The following ANK3 variants were observed in gnomAD, a reference collection of about 807,000 sequenced individuals.
The protein encoded by ANK3 is ankyrin 3.
A neutral mutation model predicts 370.9 loss-of-function variants in ANK3; 57 were observed. The observed-to-expected ratio is 0.15, with a 90% CI of 0.12 to 0.19. The LOEUF (loss-of-function observed/expected upper bound fraction) is 0.19. Ranked by LOEUF, ANK3 falls within the 10% of genes least tolerant of loss-of-function variation. ANK3 has a pLI of 1.00. For synonymous variants in ANK3, 1,929 were observed against 1,946.3 expected, an observed-to-expected ratio of 0.99 and a Z score of 0.23; for missense variants, 4,439 against 5,302.1, an observed-to-expected ratio of 0.84 and a Z score of 5.06.
chr10:60,708,920 C>T (rs1014033790), intron 1 of ANK3, among the ~76,000 whole-genome samples: 4 of 152,206 alleles, frequency 2.6e-5, no homozygotes, highest in Non-Finnish European at 2.9e-5. Context: ...GAGACAAAAA[C>T]GAAGATACTA....
chr10:60,174,424 AG>A (rs1161021912), intron 18 of ANK3, among the ~76,000 whole-genome samples: 2 of 152,182 alleles, frequency 1.3e-5, no homozygotes, highest in African/African-American at 4.8e-5. Context: ...CCTGCTTTGC[AG>A]GGTTCTCCTT....
At chr10:60,064,783 G>C (rs2081315874) in intron 38 of ANK3, among the ~76,000 whole-genome samples, 1 of 152,140 alleles carries the variant, frequency 6.6e-6, no homozygotes, top group South Asian at 2.1e-4. Context: ...GATCACTTGA[G>C]CCCAGGAGGC....
intron 1 of ANK3, among the ~76,000 whole-genome samples, chr10:60,644,855 T>A (rs1447054232): frequency 6.2e-5 from 3 of 48,004 alleles, no homozygotes; most frequent in Admixed American, 2.1e-4. Context: ...AAAAAAAAGC[T>A]GAGATTCAGG....
intron 7 of ANK3, among the ~76,000 whole-genome samples, chr10:60,240,145 C>CAT (rs1409860747): frequency 6.8e-5 from 9 of 132,002 alleles, no homozygotes; most frequent in Middle Eastern, 3.8e-3. Flanking sequence ...TATATATACA[C>CAT]ATATATATAC....
At chr10:60,351,236 A>T (rs1048178197) in intron 1 of ANK3, among the ~76,000 whole-genome samples, 2 of 152,202 alleles carry the variant, frequency 1.3e-5, no homozygotes, top group Non-Finnish European at 2.9e-5. Context: ...TAAATAGAGA[A>T]GATCTATTTA....
chr10:60,060,094 A>C, intron 40 of ANK3: 1 of 987,084 alleles, frequency 1.0e-6, no homozygotes, highest in Non-Finnish European at 1.4e-6. Context: ...TATATCAGGC[A>C]TGAAAAATGT....
chr10:60,622,597 T>C (rs2078352907), intron 1 of ANK3, among the ~76,000 whole-genome samples: 1 of 152,138 alleles, frequency 6.6e-6, no homozygotes, highest in South Asian at 2.1e-4. Context: ...GCTACTGTTG[T>C]CTTGTTTACC....
At chr10:60,394,553 C>T (rs988166778), upstream of ANK3, among the ~76,000 whole-genome samples, 3 of 152,130 alleles carry the variant, frequency 2.0e-5, no homozygotes, top group Admixed American at 2.0e-4. Context: ...TCTGTGACCT[C>T]ACATGGGCAG....
Position 60,070,335 on chromosome 10 carries a change from G to A in ANK3, c.10546C>T (p.Pro3516Ser), listed in dbSNP as rs2082459364. 6.2e-7 allele frequency: 1 copy of A among 1,614,000 alleles called. No homozygotes were observed. The highest frequency in any genetic ancestry group is 1.1e-5 in the South Asian group (1 of 91,084). ...ACTTTGTAACTGAAGTAAGTATCAG[G>A]AAACACTGATCTGTCAGGATGTCTG... Reference protein sequence around the residue: ...EGRHPDRSVFPDTYFSYKVDE... With the variant: ...EGRHPDRSVFSDTYFSYKVDE... Residue 3516 changes from proline to serine, a missense_variant, in exon 37 of 44, where the codon CCT (proline) becomes TCT (serine). Physicochemically the swap from Pro to Ser is moderately conservative, Grantham distance 74. Transcript: ENST00000280772. This position sits in a 1 kb window ranked among gnomAD's most constrained non-coding sequence, Gnocchi z 5.7.
chr10:60,050,165 A>G (rs2077664324), intron 42 of ANK3, among the ~76,000 whole-genome samples: 1 of 152,164 alleles, frequency 6.6e-6, no homozygotes, highest in African/African-American at 2.4e-5. Context: ...GAGGTGACTG[A>G]TTATGAGGAT....
At chr10:60,241,986 A>G (rs1218495095) in intron 7 of ANK3, among the ~76,000 whole-genome samples, 1 of 152,196 alleles carries the variant, frequency 6.6e-6, no homozygotes, top group African/African-American at 2.4e-5. Context: ...TTAATTAAGT[A>G]CTTAAGAAAA....
In ANK3 at chr10:60,535,025, T is replaced by C. The variant is rs116013829; in HGVS notation, c.96+80161A>G. 2.2e-3 allele frequency among the ~76,000 whole-genome samples: 340 copies of C among 152,226 alleles called. 1 individual carries two copies. The highest frequency in any genetic ancestry group is 7.5e-3 in the African/African-American group (311 of 41,574). On this transcript the variant is annotated intron_variant, in intron 2 of 43. Transcript: ENST00000373827. Reference sequence around the variant, plus strand: ...ACAGCTGGGTAAATATTCATACAACTGCTGGAAGCAAGTTGGGCTCACTGC... The same window carrying C: ...ACAGCTGGGTAAATATTCATACAACCGCTGGAAGCAAGTTGGGCTCACTGC...
intron 1 of ANK3, among the ~76,000 whole-genome samples, chr10:60,693,586 C>A (rs2079392336): frequency 2.0e-5 from 3 of 152,214 alleles, no homozygotes; most frequent in African/African-American, 7.2e-5. Context: ...AAGTGGGTCC[C>A]TGACCCCTGA....
chr10:60,543,736 A>G (rs887785451), intron 2 of ANK3, among the ~76,000 whole-genome samples: 1 of 152,046 alleles, frequency 6.6e-6, no homozygotes, highest in African/African-American at 2.4e-5. Flanking sequence ...ATTTTCAATC[A>G]TTCATTTCCT....
intron 1 of ANK3, among the ~76,000 whole-genome samples, chr10:60,286,714 T>C (rs572058333): frequency 6.6e-6 from 1 of 152,300 alleles, no homozygotes; most frequent in East Asian, 1.9e-4. Context: ...TTGTGACTGT[T>C]GCTTGTGACC....
In ANK3 at chr10:60,604,691, A is replaced by T. The variant is rs988091839; in HGVS notation, c.96+10495T>A. 6.6e-5 allele frequency among the ~76,000 whole-genome samples: 10 copies of T among 152,170 alleles called. No homozygotes were observed. The East Asian group carries it at 1.9e-3, about 29-fold the overall frequency. On this transcript the variant is annotated intron_variant, in intron 2 of 43. Coordinates refer to the ANK3 transcript ENST00000373827. ...AAAAGTAAAAAAGGAAAATAGAATAATGCTTTGGGGGTTTCCAGAACCAAA... is the reference window on the plus strand; with the variant it reads ...AAAAGTAAAAAAGGAAAATAGAATATTGCTTTGGGGGTTTCCAGAACCAAA...
intron 25 of ANK3, among the ~76,000 whole-genome samples, chr10:60,125,133 C>T (rs955597362): frequency 2.6e-5 from 4 of 151,964 alleles, no homozygotes; most frequent in Non-Finnish European, 5.9e-5. Flanking sequence ...AATTAAAGGC[C>T]TACTATAATA....
chr10:60,319,087 T>C (rs527400926), intron 1 of ANK3, among the ~76,000 whole-genome samples: 3 of 152,294 alleles, frequency 2.0e-5, no homozygotes, highest in African/African-American at 7.2e-5. Context: ...TGAGCTGGCA[T>C]TGTTGTTGCA....
chr10:60,722,621 C>T (rs1457278817), intron 1 of ANK3, among the ~76,000 whole-genome samples: 1 of 152,096 alleles, frequency 6.6e-6, no homozygotes, highest in African/African-American at 2.4e-5. Flanking sequence ...GGATGTTTGT[C>T]CCCTCCAAAT....
Sources: gnomAD v4.1 joint callset for allele counts (sites outside exome capture counted in the v4.1 genomes callset) on GRCh38, gnomAD v4.1.1 for gene constraint, Gnocchi (gnomAD v3.1) non-coding constraint, MANE v1.5 for transcripts, NCBI Gene and HGNC (gene_info 2026-07-23, HGNC 2026-07-21) for gene names.